GSDME: variants seen among roughly 807,000 people sequenced by gnomAD.
The protein encoded by GSDME is gasdermin-E.
A neutral mutation model predicts 47.5 loss-of-function variants in GSDME; 44 were observed. That is an observed-to-expected ratio of 0.93 (90% confidence interval 0.73 to 1.19). The LOEUF is 1.19. Ranked by LOEUF, GSDME falls within the 50% of genes most tolerant of loss-of-function variation. GSDME has a pLI of 0.00. For missense variants in GSDME, 663 were observed against 604.2 expected (o/e 1.10, Z -1.02); for synonymous variants, 258 against 252.8 (o/e 1.02, Z -0.20).
rs1790796860 is a variant in GSDME at position 24,749,762 on chromosome 7, C to CT, written c.12dup (p.Ala5SerfsTer7). On this transcript the variant is annotated frameshift_variant, in exon 2 of 10. Coordinates refer to ENST00000645220, the MANE Select transcript of GSDME (RefSeq NM_001127453.2). LOFTEE classifies it high-confidence loss of function. The stretch of plus-strand genomic sequence containing the variant: ...ACTTCTCTAAGAAAATTCCTGGTTG[C>CT]TTTGGCAAACATTTTGAAAGCTCCA... The CT allele has an allele frequency of 6.2e-7, 1 of 1,613,634 alleles. No individual in the cohort carries two copies. The highest frequency in any genetic ancestry group is 1.3e-5 in the African/African-American group (1 of 74,906).
chr7:24,719,724 C>T (rs752898658), intron 3 of GSDME, among the ~76,000 whole-genome samples: 23 of 151,714 alleles, frequency 1.5e-4, no homozygotes, highest in Admixed American at 2.0e-4. Context: ...ACCTGGGAGG[C>T]GGAATTTGCA....
chr7:24,774,889 T>C, the GSDME span, among the ~76,000 whole-genome samples: 1 of 152,164 alleles, frequency 6.6e-6, no homozygotes. Context: ...CTGTCTTTCA[T>C]TTACACAAAT....
At chr7:24,707,653 G>A (rs753535893) in intron 7 of GSDME, 6 of 356,366 alleles carry the variant, frequency 1.7e-5, no homozygotes, top group Admixed American at 3.8e-5. Context: ...ATCCAATGAT[G>A]GTGTCTTTAT....
intron 1 of GSDME, among the ~76,000 whole-genome samples, chr7:24,752,089 G>A (rs1467725386): frequency 1.3e-5 from 2 of 152,254 alleles, no homozygotes; most frequent in African/African-American, 2.4e-5. Flanking sequence ...TGCTGTAGCT[G>A]AGGAGCAGCC....
chr7:24,752,511 T>G (rs939675331), intron 1 of GSDME, among the ~76,000 whole-genome samples: 3 of 152,042 alleles, frequency 2.0e-5, no homozygotes, highest in African/African-American at 7.3e-5. Flanking sequence ...GGCATAAGGA[T>G]AGAAAAGACA....
chr7:24,748,147 T>C (rs1020632425), intron 2 of GSDME, among the ~76,000 whole-genome samples: 4 of 131,958 alleles, frequency 3.0e-5, no homozygotes, highest in Non-Finnish European at 6.4e-5. Flanking sequence ...ATATAGAGTA[T>C]ATATATATAT....
chr7:24,768,863 G>A, the GSDME span, among the ~76,000 whole-genome samples: 2 of 152,300 alleles, frequency 1.3e-5, no homozygotes, highest in African/African-American at 4.8e-5. The surrounding 1 kb of genome is among the most constrained non-coding windows in gnomAD (Gnocchi z 5.6). Context: ...TTAGTTAAGT[G>A]AATGAGTGAA....
chr7:24,766,212 T>TGTGTGC, the GSDME span, among the ~76,000 whole-genome samples: 1 of 137,916 alleles, frequency 7.3e-6, no homozygotes, highest in South Asian at 2.5e-4. This position sits in a 1 kb window ranked among gnomAD's most constrained non-coding sequence, Gnocchi z 4.2. Context: ...TGTGTGTGTG[T>TGTGTGC]GTGCATGTTT....
At position 24,744,768 on chromosome 7, in the gene GSDME, G is replaced by T. The variant is rs773624733; in HGVS notation, c.212-14C>A. 50 of 1,613,728 alleles carry T rather than the reference G, an allele frequency of 3.1e-5. No homozygotes were observed. The highest frequency in any genetic ancestry group is 4.0e-5 in the Non-Finnish European group (47 of 1,179,988). ...ACTCCACGACCACTGGAATGGAGGA[G>T]ACGAGCAGAGGAAGCCGATGATGAT... On this transcript the variant is annotated splice_polypyrimidine_tract_variant and intron_variant, in intron 2 of 9. Transcript: ENST00000645220. The surrounding 1 kb of genome is among the most constrained non-coding windows in gnomAD (Gnocchi z 4.5).
rs931729520 is a variant in GSDME, at chr7:24,742,102, T to C, written c.404+2460A>G. Among the ~76,000 whole-genome samples, 11 of 152,158 alleles carry C rather than the reference T, an allele frequency of 7.2e-5. No individual in the cohort carries two copies. Among genetic ancestry groups the C allele is most frequent in the African/African-American group, 2.7e-4 (11 of 41,418 alleles). On this transcript the variant is annotated intron_variant, in intron 3 of 9. Transcript: ENST00000645220. This position sits in a 1 kb window ranked among gnomAD's most constrained non-coding sequence, Gnocchi z 4.4. ...GATCTCATCCCTGTGTCCAGGCACC[T>C]CCAGGAGAGCAGGCCTCGCTATGCA...
At chr7:24,722,889 A>T (rs566966255) in intron 3 of GSDME, among the ~76,000 whole-genome samples, 1 of 152,308 alleles carries the variant, frequency 6.6e-6, no homozygotes, top group Admixed American at 6.5e-5. Flanking sequence ...TGCCTTCAAA[A>T]GGTCTCTGTG....
At chr7:24,749,426 TG>T in intron 2 of GSDME, 137 bp downstream of exon 2, 1 of 735,758 alleles carries the variant, frequency 1.4e-6, no homozygotes, top group Non-Finnish European at 2.3e-6. Context: ...CACCTGAACC[TG>T]GGAGGCAGAG....
In GSDME at chr7:24,749,803, TAA is replaced by T. The variant is rs776951150; in HGVS notation, c.-19-12_-19-11del. On this transcript the variant is annotated splice_polypyrimidine_tract_variant and intron_variant, in intron 1 of 9. Transcript: ENST00000645220. ...GAAAGCTCCAGATTATCTGAAAAAG[TAA>T]AGTTATCCTAAAATCAAATAAGAAG... 6.4e-7 allele frequency: 1 copy of T among 1,561,552 alleles called. No individual in the cohort carries two copies. Among genetic ancestry groups the T allele is most frequent in the South Asian group, 1.1e-5 (1 of 89,346 alleles).
rs1194656018 is a variant in GSDME at position 24,726,554 on chromosome 7, T to G, written c.405-7336A>C. ...AGTAACAATGGTAGGCCGGGCGCGG[T>G]GGCTCACGCCTGTTATCCCAGCACT... On this transcript the variant is annotated intron_variant, in intron 3 of 9. Coordinates refer to ENST00000645220, the MANE Select transcript of GSDME (RefSeq NM_001127453.2). The surrounding 1 kb of genome is among the most constrained non-coding windows in gnomAD (Gnocchi z 5.6). Among the ~76,000 whole-genome samples the G allele has an allele frequency of 1.3e-5, 2 of 152,194 alleles. No individual in the cohort carries two copies. The highest frequency in any genetic ancestry group is 2.4e-5 in the African/African-American group (1 of 41,438).
the GSDME span, among the ~76,000 whole-genome samples, chr7:24,781,108 G>A: frequency 9.2e-5 from 14 of 152,322 alleles, no homozygotes; most frequent in East Asian, 9.6e-4. Flanking sequence ...TACTGAATGG[G>A]TAGTGACAAA....
intron 3 of GSDME, among the ~76,000 whole-genome samples, chr7:24,730,081 A>G (rs956819812): frequency 6.6e-6 from 1 of 152,236 alleles, no homozygotes; most frequent in African/African-American, 2.4e-5. Context: ...GGCTAAACCA[A>G]CTGGACTCAT....
At position 24,757,028 on chromosome 7, in the gene GSDME, A is replaced by C; in HGVS notation, c.-20+368T>G. On this transcript the variant is annotated intron_variant, in intron 1 of 9. Transcript: ENST00000645220. This position sits in a 1 kb window ranked among gnomAD's most constrained non-coding sequence, Gnocchi z 5.9. ...GAACACAAAGGATGAACGAATGGGGAGGGGGGGTTTGGGGGGTTGGGAGAA... is the reference window on the plus strand; with the variant it reads ...GAACACAAAGGATGAACGAATGGGGCGGGGGGGTTTGGGGGGTTGGGAGAA... Among the ~76,000 whole-genome samples the C allele has an allele frequency of 1.4e-5, 2 of 140,354 alleles. No individual in the cohort carries two copies. Among genetic ancestry groups the C allele is most frequent in the East Asian group, 2.4e-4 (1 of 4,248 alleles). 92.1% of individuals were successfully genotyped at this position (140,354 alleles called of 152,430 possible). A position where few individuals can be genotyped will look rare whatever the true frequency, so the allele number is the denominator to read the frequency against.
the GSDME span, among the ~76,000 whole-genome samples, chr7:24,785,609 C>T: frequency 6.6e-6 from 1 of 152,210 alleles, no homozygotes; most frequent in Non-Finnish European, 1.5e-5. Context: ...GCACATGCCA[C>T]CATGCCCGGC....
rs1446737606 is a variant in GSDME at position 24,733,659 on chromosome 7, G to A, written c.404+10903C>T. 6.6e-6 allele frequency among the ~76,000 whole-genome samples: 1 copy of A among 152,194 alleles called. No individual in the cohort carries two copies. Among genetic ancestry groups the A allele is most frequent in the African/African-American group, 2.4e-5 (1 of 41,434 alleles). ...GCCTGGCAGTGCTCCTTGTGGGCCT[G>A]TAGTGCTGGTGGACATGGGTGAGAG... is the stretch of plus-strand genomic sequence containing the variant. On this transcript the variant is annotated intron_variant, in intron 3 of 9. Transcript: ENST00000645220. This position sits in a 1 kb window ranked among gnomAD's most constrained non-coding sequence, Gnocchi z 4.3.
Sources: allele counts gnomAD v4.1 joint callset (sites outside exome capture counted in the v4.1 genomes callset), GRCh38; gene constraint gnomAD v4.1.1; non-coding constraint Gnocchi (gnomAD v3.1); transcripts MANE v1.5; gene names NCBI Gene and HGNC (gene_info 2026-07-23, HGNC 2026-07-21).